The following PCDHGA7 variants were observed in gnomAD, a reference collection of about 807,000 sequenced individuals.
PCDHGA7 encodes protocadherin gamma-A7.
In PCDHGA7, 44 loss-of-function variants were observed where a neutral mutation model predicts 58.3. That is an observed-to-expected ratio of 0.75 (90% CI 0.59 to 0.97). The LOEUF (loss-of-function observed/expected upper bound fraction) is 0.97. PCDHGA7 is among the 50% of genes least tolerant of loss of function. The pLI, the probability that PCDHGA7 is intolerant of heterozygous loss-of-function variation, is 0.00. For synonymous variants in PCDHGA7, 516 were observed against 504.2 expected, an observed-to-expected ratio of 1.02 and a Z score of -0.31; for missense variants, 1,266 against 1,188.7, an observed-to-expected ratio of 1.06 and a Z score of -0.96.
At chr5:141,388,697 G>T in intron 1 of PCDHGA7, 1 of 1,613,998 alleles carries the variant, frequency 6.2e-7, no homozygotes, top group South Asian at 1.1e-5. Flanking sequence ...ACCAGGATGA[G>T]GGTGTCAATG....
At chr5:141,391,306 C>CTTTTTTTTTTTT in intron 1 of PCDHGA7, 1 of 146,116 alleles carries the variant, frequency 6.8e-6, no homozygotes. Flanking sequence ...TCTTTCGATT[C>CTTTTTTTTTTTT]TTTTTTTTTT....
At chr5:141,472,507 T>G (rs919448316) in intron 1 of PCDHGA7, among the ~76,000 whole-genome samples, 2 of 151,872 alleles carry the variant, frequency 1.3e-5, no homozygotes, top group African/African-American at 4.8e-5. Context: ...GCCACTGCAC[T>G]CCAGCCTGGG....
chr5:141,492,719 C>A (rs1367632029), intron 1 of PCDHGA7, among the ~76,000 whole-genome samples: 1 of 152,280 alleles, frequency 6.6e-6, no homozygotes, highest in Non-Finnish European at 1.5e-5. Context: ...AGCAGGCGGA[C>A]AGGCAGAGCT....
intron 1 of PCDHGA7, among the ~76,000 whole-genome samples, chr5:141,456,778 C>T (rs568292085): frequency 3.7e-4 from 57 of 152,242 alleles, no homozygotes; most frequent in African/African-American, 1.3e-3. Flanking sequence ...GCCTGGCCTA[C>T]ATGGCAAAAC....
chr5:141,419,240 G>C (rs753956971), intron 1 of PCDHGA7: 1 of 1,613,980 alleles, frequency 6.2e-7, no homozygotes, highest in South Asian at 1.1e-5. Flanking sequence ...CCTGGTCCAC[G>C]TGCCAGAAAA....
intron 2 of PCDHGA7, among the ~76,000 whole-genome samples, chr5:141,503,800 C>T (rs756250566): frequency 1.3e-5 from 2 of 151,994 alleles, no homozygotes; most frequent in South Asian, 2.1e-4. Flanking sequence ...TACTTAGGGA[C>T]GGGGAATCCC....
At chr5:141,422,480 G>A in intron 1 of PCDHGA7, 2 of 1,613,906 alleles carry the variant, frequency 1.2e-6, no homozygotes, top group South Asian at 2.2e-5. Flanking sequence ...TTGGTCCAGA[G>A]CTACAATATA....
At chr5:141,389,039 A>C in intron 1 of PCDHGA7, 1 of 1,613,988 alleles carries the variant, frequency 6.2e-7, no homozygotes, top group Non-Finnish European at 8.5e-7. Context: ...GTAAATTGGA[A>C]GGTGATGTTC....
chr5:141,389,581 G>C, intron 1 of PCDHGA7: 1 of 1,613,202 alleles, frequency 6.2e-7, no homozygotes, highest in East Asian at 2.2e-5. Context: ...CCCGCGCTGG[G>C]TCCCGACGGC....
At chr5:141,438,583 CATACATACATATATATATATATATATAT>C (rs1227221577) in intron 1 of PCDHGA7, among the ~76,000 whole-genome samples, 1 of 57,610 alleles carries the variant, frequency 1.7e-5, no homozygotes, top group African/African-American at 9.0e-5. Flanking sequence ...TACATACATA[CATACATACATATATATATATATATATAT>C]ATATATATAT....
intron 1 of PCDHGA7, chr5:141,426,739 GC>G (rs1345744337): frequency 8.8e-6 from 4 of 453,408 alleles, no homozygotes; most frequent in Non-Finnish European, 1.8e-5. Flanking sequence ...ATTCGGTTTG[GC>G]CTGGAATCTG....
intron 1 of PCDHGA7, among the ~76,000 whole-genome samples, chr5:141,438,655 T>C (rs1436221152): frequency 7.1e-6 from 1 of 140,042 alleles, no homozygotes; most frequent in Non-Finnish European, 1.5e-5. Flanking sequence ...CACACACATA[T>C]ATGTATATAT....
intron 1 of PCDHGA7, among the ~76,000 whole-genome samples, chr5:141,469,414 A>C (rs1455286338): frequency 1.3e-5 from 2 of 152,118 alleles, no homozygotes; most frequent in Non-Finnish European, 2.9e-5. Flanking sequence ...GTTTCTACTA[A>C]AAATATAAAA....
intron 1 of PCDHGA7, chr5:141,402,800 C>T: frequency 1.9e-6 from 2 of 1,072,726 alleles, no homozygotes; most frequent in African/African-American, 1.6e-5. Flanking sequence ...ACACAAAACC[C>T]GGCAGATACC....
chr5:141,407,159 A>G (rs1349203478), intron 1 of PCDHGA7, among the ~76,000 whole-genome samples: 1 of 152,232 alleles, frequency 6.6e-6, no homozygotes, highest in Non-Finnish European at 1.5e-5. Context: ...AGTGTCTGGG[A>G]ATCCTTTATG....
In PCDHGA7 at chr5:141,428,992, C is replaced by A. The variant is rs986416866; in HGVS notation, c.2424+43669C>A. The A allele has an allele frequency of 1.3e-4, 20 of 152,092 alleles. 1 individual carries two copies. Among genetic ancestry groups the A allele is most frequent in the Admixed American group, 1.2e-3 (18 of 15,248 alleles). 9.4% of individuals were successfully genotyped at this position (152,092 alleles called of 1,614,324 possible). On this transcript the variant is annotated intron_variant, in intron 1 of 3. Transcript: ENST00000518325. Reference sequence around the variant, plus strand: ...GCCTCAGCCTCCCGGGTAGCTGGGACTACAGGCGCCCGCCACCACGCCCGG... The same window carrying A: ...GCCTCAGCCTCCCGGGTAGCTGGGAATACAGGCGCCCGCCACCACGCCCGG...
intron 1 of PCDHGA7, chr5:141,423,755 G>T (rs1236551808): frequency 9.8e-6 from 5 of 512,508 alleles, no homozygotes; most frequent in Non-Finnish European, 1.3e-5. Flanking sequence ...CTGTTTGGGG[G>T]GGGGGTGGGG....
intron 2 of PCDHGA7, among the ~76,000 whole-genome samples, chr5:141,495,587 C>T (rs1391263118): frequency 6.6e-6 from 1 of 152,238 alleles, no homozygotes. Context: ...TTCTCCATCT[C>T]TGTCTTAGCT....
Position 141,383,220 on chromosome 5 carries a change from C to T in PCDHGA7, c.321C>T (p.Asn107=). Residue 107 remains asparagine, a synonymous_variant, in exon 1 of 4, where the codon AAC becomes AAT. Transcript: ENST00000518325. The part of the protein sequence containing the change: ...AQSARCLVNF[N]ILMEDKMNLY... Reference sequence around the variant, plus strand: ...GTGCGCGGTGTCTGGTAAACTTTAACATCCTGATGGAAGATAAAATGAATC... The same window carrying T: ...GTGCGCGGTGTCTGGTAAACTTTAATATCCTGATGGAAGATAAAATGAATC... The T allele has an allele frequency of 6.2e-7, 1 of 1,613,982 alleles. No homozygotes were observed. Among genetic ancestry groups the T allele is most frequent in the East Asian group, 2.2e-5 (1 of 44,886 alleles).
Sources: allele counts gnomAD v4.1 joint callset (sites outside exome capture counted in the v4.1 genomes callset), GRCh38; gene constraint gnomAD v4.1.1; transcripts MANE v1.5; gene names NCBI Gene and HGNC (gene_info 2026-07-23, HGNC 2026-07-21).